The following DACH1 variants were observed in gnomAD, a reference collection of about 807,000 sequenced individuals.
The protein encoded by DACH1 is dachshund family transcription factor 1, also known as dachshund homolog 1.
Under a neutral mutation model 54.2 loss-of-function variants are expected in DACH1, and 12 were observed. The ratio of observed to expected loss-of-function variants is 0.22; its 90% CI spans 0.14 to 0.36. The LOEUF (loss-of-function observed/expected upper bound fraction) is 0.36. Among genes scored for constraint, DACH1 ranks in the 10% least tolerant of loss-of-function variants. The pLI is 1.00. For missense variants in DACH1, 805 were observed against 929.8 expected (o/e 0.87, Z 1.75); for synonymous variants, 386 against 366.2 (o/e 1.05, Z -0.62).
At chr13:71,622,128 C>T (rs776717332) in intron 3 of DACH1, among the ~76,000 whole-genome samples, 2 of 151,904 alleles carry the variant, frequency 1.3e-5, no homozygotes, top group African/African-American at 4.8e-5. Context: ...TATTTATTAT[C>T]GCTTAGTTTC....
At chr13:71,487,577 T>C (rs570325419) in intron 7 of DACH1, among the ~76,000 whole-genome samples, 12 of 152,184 alleles carry the variant, frequency 7.9e-5, no homozygotes, top group Admixed American at 2.0e-4. Flanking sequence ...AGTCCATGTG[T>C]CAAACCTGCT....
chr13:71,753,547 G>C (rs1351413922), intron 1 of DACH1, among the ~76,000 whole-genome samples: 3 of 152,088 alleles, frequency 2.0e-5, no homozygotes, highest in African/African-American at 7.2e-5. Flanking sequence ...AAATAACGAA[G>C]TTAGTATATC....
intron 1 of DACH1, among the ~76,000 whole-genome samples, chr13:71,816,597 CATAT>C (rs1887942872): frequency 2.5e-5 from 1 of 39,834 alleles, no homozygotes; most frequent in South Asian, 1.2e-3. Flanking sequence ...TATATACACA[CATAT>C]GTGTGTATAT....
At chr13:71,786,095 A>G in intron 1 of DACH1, among the ~76,000 whole-genome samples, 1 of 152,204 alleles carries the variant, frequency 6.6e-6, no homozygotes, top group East Asian at 1.9e-4. Context: ...AGAGAGCCCA[A>G]TATAAGATTC....
At chr13:71,663,041 T>C (rs1243215319) in intron 2 of DACH1, among the ~76,000 whole-genome samples, 2 of 151,804 alleles carry the variant, frequency 1.3e-5, no homozygotes, top group African/African-American at 2.4e-5. Context: ...TAGTTATGAA[T>C]ATATTGTATG....
At chr13:71,762,643 T>A (rs1327209919) in intron 1 of DACH1, among the ~76,000 whole-genome samples, 1 of 151,710 alleles carries the variant, frequency 6.6e-6, no homozygotes, top group East Asian at 2.0e-4. Context: ...GGGGCATGCC[T>A]GTAATCCCAG....
At chr13:71,771,636 A>G (rs1885856655) in intron 1 of DACH1, among the ~76,000 whole-genome samples, 1 of 151,510 alleles carries the variant, frequency 6.6e-6, no homozygotes, top group African/African-American at 2.4e-5. Flanking sequence ...GGTGGAAATT[A>G]TTCTGTTGTG....
At chr13:71,611,525 A>G (rs1002447551) in intron 3 of DACH1, among the ~76,000 whole-genome samples, 10 of 152,188 alleles carry the variant, frequency 6.6e-5, no homozygotes, top group Admixed American at 5.2e-4. Context: ...TCTGGCAAAC[A>G]GGTGGTTTCT....
chr13:71,635,066 G>A (rs1270225389), intron 2 of DACH1, among the ~76,000 whole-genome samples: 1 of 152,186 alleles, frequency 6.6e-6, no homozygotes, highest in Non-Finnish European at 1.5e-5. Flanking sequence ...ATCTGCTGCG[G>A]TGCTTGGCAC....
At chr13:71,647,336 G>A (rs907611878) in intron 2 of DACH1, among the ~76,000 whole-genome samples, 5 of 152,094 alleles carry the variant, frequency 3.3e-5, no homozygotes, top group South Asian at 2.1e-4. Context: ...GAGTTTTCAC[G>A]AGCACAATTA....
intron 1 of DACH1, among the ~76,000 whole-genome samples, chr13:71,783,052 TAAC>T (rs764028530): frequency 6.6e-6 from 1 of 152,062 alleles, no homozygotes; most frequent in African/African-American, 2.4e-5. Flanking sequence ...CAGTGAAAGA[TAAC>T]AACAAAGATA....
intron 2 of DACH1, among the ~76,000 whole-genome samples, chr13:71,637,255 G>C (rs974280007): frequency 6.6e-5 from 10 of 152,068 alleles, no homozygotes; most frequent in Admixed American, 3.9e-4. Context: ...GACCTCACAG[G>C]TGTGTTGTGA....
At chr13:71,862,252 A>T (rs2138294663) in intron 1 of DACH1, among the ~76,000 whole-genome samples, 1 of 152,150 alleles carries the variant, frequency 6.6e-6, no homozygotes, top group Non-Finnish European at 1.5e-5. Flanking sequence ...TCACTTTTTT[A>T]AAACCTGAAT....
At chr13:71,531,947 T>C (rs981492574) in intron 6 of DACH1, among the ~76,000 whole-genome samples, 1 of 151,952 alleles carries the variant, frequency 6.6e-6, no homozygotes, top group Non-Finnish European at 1.5e-5. Context: ...TATATACATG[T>C]GCATGTATGT....
intron 2 of DACH1, among the ~76,000 whole-genome samples, chr13:71,634,061 C>A (rs114144382): frequency 6.6e-6 from 1 of 151,858 alleles, no homozygotes; most frequent in African/African-American, 2.4e-5. Context: ...CAACCTCCGC[C>A]TCCAGGGTTC....
intron 1 of DACH1, among the ~76,000 whole-genome samples, chr13:71,782,963 A>T (rs1392642044): frequency 6.6e-6 from 1 of 152,188 alleles, no homozygotes; most frequent in Admixed American, 6.5e-5. Flanking sequence ...TCAAGCCATT[A>T]TCACAGGAAG....
rs556139591 is a variant in DACH1 at position 71,694,673 on chromosome 13, A to T, written c.849-12763T>A. Among the ~76,000 whole-genome samples the T allele has an allele frequency of 2.9e-3, 444 of 152,250 alleles. 2 individuals are homozygous for T. The highest frequency in any genetic ancestry group is 3.6e-3 in the Non-Finnish European group (243 of 68,018). On this transcript the variant is annotated intron_variant, in intron 1 of 10. Coordinates refer to ENST00000613252, the MANE Select transcript of DACH1 (RefSeq NM_080759.6). ...TGAATAGACACTGTTTTACCATGGA[A>T]TTTTTTTCTCCTGGAATACTAGGCT...
rs1873864422 is a variant in DACH1 at position 71,593,295 on chromosome 13, T to C, written c.1127-20283A>G. Among the ~76,000 whole-genome samples the C allele has an allele frequency of 2.0e-5, 3 of 152,180 alleles. No individual in the cohort carries two copies. The South Asian group carries it at 6.2e-4, about 31-fold the overall frequency. Reference sequence around the variant, plus strand: ...ATATTAATACTCTCTGAAAATGATGTTCCAATTGTCTAGATTCTAGAAAGT... The same window carrying C: ...ATATTAATACTCTCTGAAAATGATGCTCCAATTGTCTAGATTCTAGAAAGT... On this transcript the variant is annotated intron_variant, in intron 3 of 10. Transcript: ENST00000613252.
In DACH1 at chr13:71,440,522, T is replaced by C. The variant is rs1873920647; in HGVS notation, c.*133A>G. ...TTTTTTTTTTGTAGAATACTTAAAC[T>C]TTTAAAGAACATTAATACACAAAAT... On this transcript the variant is annotated 3_prime_UTR_variant, in exon 11 of 11. Coordinates refer to ENST00000613252, the MANE Select transcript of DACH1 (RefSeq NM_080759.6). The C allele has an allele frequency of 1.5e-5, 10 of 677,824 alleles. No individual in the cohort carries two copies. The South Asian group carries it at 1.9e-4, about 13-fold the overall frequency. The allele number at this position is 677,824 out of a possible 1,614,324, so 42.0% of individuals were successfully genotyped here. A position where few individuals can be genotyped will look rare whatever the true frequency, so the allele number is the denominator to read the frequency against.
Sources: gnomAD v4.1 joint callset for allele counts (sites outside exome capture counted in the v4.1 genomes callset) on GRCh38, gnomAD v4.1.1 for gene constraint, MANE v1.5 for transcripts, NCBI Gene and HGNC (gene_info 2026-07-23, HGNC 2026-07-21) for gene names.